PDE4D: variants seen among roughly 807,000 people sequenced by gnomAD.
The protein encoded by PDE4D is 3',5'-cyclic-AMP phosphodiesterase 4D.
PDE4D carries 24 observed loss-of-function variants against 87.4 expected under a neutral mutation model. That is an observed-to-expected ratio of 0.27 (90% CI 0.20 to 0.39). PDE4D has a LOEUF of 0.39. Ranked by LOEUF, PDE4D falls within the 10% of genes least tolerant of loss-of-function variation. The pLI, the probability that PDE4D is intolerant of heterozygous loss-of-function variation, is 1.00. For synonymous variants in PDE4D, 384 were observed against 383.2 expected (o/e 1.00, Z -0.02); for missense variants, 714 against 1,041.0 (o/e 0.69, Z 4.32).
chr5:59,422,688 T>C (rs925387383), intron 1 of PDE4D, among the ~76,000 whole-genome samples: 2 of 152,244 alleles, frequency 1.3e-5, no homozygotes, highest in African/African-American at 4.8e-5. Context: ...GTCATCAAGA[T>C]TGTGTAGTGT....
At chr5:60,171,882 G>A (rs1207937457) in intron 2 of PDE4D, among the ~76,000 whole-genome samples, 1 of 151,606 alleles carries the variant, frequency 6.6e-6, no homozygotes, top group African/African-American at 2.4e-5. Flanking sequence ...AAAATGATTC[G>A]ACTTTTCAAT....
chr5:59,156,331 A>ATATATATATGTGTGTGTGTG (rs1384479557), intron 5 of PDE4D, among the ~76,000 whole-genome samples: 8 of 122,766 alleles, frequency 6.5e-5, no homozygotes, highest in African/African-American at 2.4e-4. Context: ...ATATATATAT[A>ATATATATATGTGTGTGTGTG]TGTGTGTGTG....
intron 5 of PDE4D, among the ~76,000 whole-genome samples, chr5:59,152,957 G>A (rs941306147): frequency 2.6e-5 from 4 of 152,124 alleles, no homozygotes; most frequent in African/African-American, 9.7e-5. Context: ...AAAGGAAAGT[G>A]GAAGTTAGGG....
chr5:59,796,444 G>C (rs1192822498), intron 1 of PDE4D, among the ~76,000 whole-genome samples: 1 of 151,854 alleles, frequency 6.6e-6, no homozygotes. Context: ...GTTTGAGCTT[G>C]GCTCTGCCTT....
intron 2 of PDE4D, among the ~76,000 whole-genome samples, chr5:60,041,807 C>T (rs940368180): frequency 3.9e-5 from 6 of 152,142 alleles, no homozygotes; most frequent in Admixed American, 1.3e-4. Flanking sequence ...TTGCAACCTG[C>T]AGACCAGGAG....
intron 1 of PDE4D, among the ~76,000 whole-genome samples, chr5:59,783,039 C>G (rs1433194963): frequency 6.6e-6 from 1 of 152,154 alleles, no homozygotes; most frequent in Non-Finnish European, 1.5e-5. Context: ...ATGTATTACT[C>G]CATCCAAAGG....
chr5:60,220,237 A>G (rs1489428962), intron 1 of PDE4D, among the ~76,000 whole-genome samples: 1 of 152,166 alleles, frequency 6.6e-6, no homozygotes, highest in Non-Finnish European at 1.5e-5. Flanking sequence ...GAGTGCATGA[A>G]AAAGGTAAAG....
chr5:60,062,842 A>G (rs1476279892), intron 2 of PDE4D, among the ~76,000 whole-genome samples: 1 of 151,916 alleles, frequency 6.6e-6, no homozygotes, highest in Non-Finnish European at 1.5e-5. Context: ...AATCCATCTT[A>G]CTCATAAGTG....
At chr5:59,331,290 G>A (rs1276815013) in intron 1 of PDE4D, among the ~76,000 whole-genome samples, 1 of 152,160 alleles carries the variant, frequency 6.6e-6, no homozygotes, top group African/African-American at 2.4e-5. Context: ...AGAGGACTGA[G>A]GTCAAGATGT....
intron 1 of PDE4D, among the ~76,000 whole-genome samples, chr5:59,744,891 C>T (rs1759385462): frequency 2.6e-5 from 4 of 152,096 alleles, no homozygotes; most frequent in Admixed American, 6.6e-5. Flanking sequence ...TTTCTGAATG[C>T]CTGATTTCCT....
intron 1 of PDE4D, among the ~76,000 whole-genome samples, chr5:59,833,672 G>A (rs535851535): frequency 2.6e-5 from 4 of 151,836 alleles, no homozygotes; most frequent in African/African-American, 4.8e-5. Flanking sequence ...TCCATTGGTC[G>A]GTCAGGGTGG....
upstream of PDE4D, among the ~76,000 whole-genome samples, chr5:59,897,485 G>A (rs1350885039): frequency 6.6e-6 from 1 of 151,928 alleles, no homozygotes; most frequent in African/African-American, 2.4e-5. Flanking sequence ...AAGTTATGGG[G>A]TCCATGTGCT....
chr5:60,376,736 A>G (rs769739960), intron 1 of PDE4D, among the ~76,000 whole-genome samples: 2 of 152,076 alleles, frequency 1.3e-5, no homozygotes, highest in Non-Finnish European at 2.9e-5. Flanking sequence ...CATAGCAAAC[A>G]TTCTGCTCAA....
chr5:59,931,540 C>A (rs1381760356), intron 3 of PDE4D, among the ~76,000 whole-genome samples: 4 of 152,074 alleles, frequency 2.6e-5, no homozygotes, highest in Non-Finnish European at 5.9e-5. Context: ...ACTGAGCATG[C>A]CAGCTCAGGT....
intron 1 of PDE4D, among the ~76,000 whole-genome samples, chr5:59,387,871 G>A (rs1346834120): frequency 6.6e-6 from 1 of 151,918 alleles, no homozygotes; most frequent in Non-Finnish European, 1.5e-5. Context: ...TCACCCTGAG[G>A]TACAATAGAT....
At chr5:60,001,842 G>T (rs1355242492) in intron 2 of PDE4D, among the ~76,000 whole-genome samples, 1 of 145,526 alleles carries the variant, frequency 6.9e-6, no homozygotes, top group African/African-American at 2.5e-5. Context: ...ATTAAAAGAT[G>T]CTACAAGATG....
intron 1 of PDE4D, among the ~76,000 whole-genome samples, chr5:59,473,694 T>G (rs556930619): frequency 6.6e-6 from 1 of 152,256 alleles, no homozygotes; most frequent in South Asian, 2.1e-4. Flanking sequence ...TTGTTTCAGA[T>G]GCATTTAAGA....
intron 1 of PDE4D, among the ~76,000 whole-genome samples, chr5:59,534,641 G>A (rs1814821565): frequency 1.3e-5 from 2 of 152,198 alleles, no homozygotes; most frequent in South Asian, 4.1e-4. Context: ...GAACCTGTGT[G>A]CAATGGAGTT....
At chr5:60,010,223 C>T (rs1032275446) in intron 2 of PDE4D, among the ~76,000 whole-genome samples, 7 of 152,082 alleles carry the variant, frequency 4.6e-5, no homozygotes, top group Non-Finnish European at 8.8e-5. Context: ...AGTTATTTAA[C>T]TTTTATATGT....
Sources: gnomAD v4.1 joint callset for allele counts (sites outside exome capture counted in the v4.1 genomes callset) on GRCh38, gnomAD v4.1.1 for gene constraint, MANE v1.5 for transcripts, NCBI Gene and HGNC (gene_info 2026-07-23, HGNC 2026-07-21) for gene names.